The following SDK1 variants were observed in gnomAD, a reference collection of about 807,000 sequenced individuals.
The protein encoded by SDK1 is sidekick cell adhesion molecule 1.
In SDK1, 157 loss-of-function variants were observed where a neutral mutation model predicts 245.5. That is an observed-to-expected ratio of 0.64 (90% CI 0.56 to 0.73). The LOEUF (loss-of-function observed/expected upper bound fraction) is 0.73, where lower values mean the gene tolerates loss of function less well. Among genes scored for constraint, SDK1 ranks in the 30% least tolerant of loss-of-function variants. The pLI, the probability that SDK1 is intolerant of heterozygous loss-of-function variation, is 0.00. For synonymous variants in SDK1, 1,647 were observed against 1,278.5 expected (o/e 1.29, Z -6.15); for missense variants, 3,583 against 3,002.3 (o/e 1.19, Z -4.52).
Position 3,907,402 on chromosome 7 carries a change from G to T in SDK1, c.848-43521G>T, listed in dbSNP as rs182830299. Among the ~76,000 whole-genome samples the T allele has an allele frequency of 7.2e-5, 11 of 152,114 alleles. No individual in the cohort carries two copies. In the South Asian group the frequency reaches 2.1e-3, roughly 29 times the overall value. ...TTGTGTCTGGCTTATTTTACTTACC[G>T]TAATGTTTGTAAGGATTGTCTACAT... On this transcript the variant is annotated intron_variant, in intron 5 of 44. Transcript: ENST00000404826.
chr7:3,475,856 T>C lies in SDK1; in HGVS notation c.299-143224T>C, dbSNP rs570512819. 1.2e-3 allele frequency among the ~76,000 whole-genome samples: 178 copies of C among 152,336 alleles called. 2 individuals are homozygous for C. Among genetic ancestry groups the C allele is most frequent in the African/African-American group, 4.1e-3 (170 of 41,576 alleles). On this transcript the variant is annotated intron_variant, in intron 1 of 44. Transcript: ENST00000404826. Reference sequence around the variant, plus strand: ...GCCTCTCTGGCTCTCTGTGGCATCATGTGGTACTTCTTATTCATTGCGACA... The same window carrying C: ...GCCTCTCTGGCTCTCTGTGGCATCACGTGGTACTTCTTATTCATTGCGACA...
intron 2 of SDK1, among the ~76,000 whole-genome samples, chr7:3,633,729 G>A (rs1481466388): frequency 6.6e-6 from 1 of 152,212 alleles, no homozygotes; most frequent in Non-Finnish European, 1.5e-5. Context: ...GTTCTAGGGT[G>A]TGGAATTTTG....
chr7:3,427,490 G>C (rs1358859574), intron 1 of SDK1, among the ~76,000 whole-genome samples: 4 of 146,760 alleles, frequency 2.7e-5, no homozygotes, highest in Non-Finnish European at 5.9e-5. Flanking sequence ...TTGGACTGCA[G>C]CCTGGGTGAG....
intron 1 of SDK1, among the ~76,000 whole-genome samples, chr7:3,396,591 C>G (rs187006771): frequency 6.6e-6 from 1 of 151,606 alleles, no homozygotes; most frequent in Non-Finnish European, 1.5e-5. Flanking sequence ...TGCTGAATTA[C>G]CCTCTTATTA....
chr7:3,393,407 G>A (rs767869593), intron 1 of SDK1, among the ~76,000 whole-genome samples: 12 of 152,166 alleles, frequency 7.9e-5, no homozygotes, highest in Non-Finnish European at 1.2e-4. Context: ...TAACAGAAAT[G>A]TTTGAGAGTT....
chr7:3,651,186 T>A (rs117875086), intron 4 of SDK1, among the ~76,000 whole-genome samples: 2,088 of 151,930 alleles, frequency 0.014, 24 homozygotes, highest in Non-Finnish European at 0.022. Flanking sequence ...TACCATTTTG[T>A]AATCCCACCA....
intron 35 of SDK1, among the ~76,000 whole-genome samples, chr7:4,188,661 T>A (rs920991433): frequency 2.6e-5 from 4 of 151,614 alleles, no homozygotes; most frequent in Admixed American, 2.6e-4. Context: ...TTTTATGTTT[T>A]CCATTAAACT....
intron 4 of SDK1, among the ~76,000 whole-genome samples, chr7:3,758,423 T>C (rs554797112): frequency 1.3e-5 from 2 of 152,334 alleles, no homozygotes; most frequent in East Asian, 1.9e-4. Flanking sequence ...TATGAATATT[T>C]ATGTTATTCT....
chr7:4,060,319 C>G (rs1348486364), intron 19 of SDK1, among the ~76,000 whole-genome samples: 3 of 152,074 alleles, frequency 2.0e-5, no homozygotes, highest in African/African-American at 7.2e-5. Context: ...TAGTGATACA[C>G]CTCAAGGACA....
At chr7:3,966,825 A>G (rs1425302611) in intron 9 of SDK1, among the ~76,000 whole-genome samples, 1 of 152,070 alleles carries the variant, frequency 6.6e-6, no homozygotes, top group African/African-American at 2.4e-5. Flanking sequence ...ACGTGGGACT[A>G]TAGGCCTGCA....
At chr7:3,959,080 T>C in intron 8 of SDK1, 66 bp downstream of exon 8, 1 of 1,198,626 alleles carries the variant, frequency 8.3e-7, no homozygotes, top group South Asian at 1.2e-5. Flanking sequence ...CCTTTTTCCA[T>C]AGCAGAATTG....
In SDK1 at chr7:4,158,571, G is replaced by T; in HGVS notation, c.4729+20G>T. 6.3e-7 allele frequency: 1 copy of T among 1,585,568 alleles called. No individual in the cohort carries two copies. Among genetic ancestry groups the T allele is most frequent in the South Asian group, 1.1e-5 (1 of 90,520 alleles). ...AGGATGGTGAGCAACCCGGGGCCCAGACCGCGTTCCTGGCCGCTGCCCCTG... is the reference window on the plus strand; with the variant it reads ...AGGATGGTGAGCAACCCGGGGCCCATACCGCGTTCCTGGCCGCTGCCCCTG... On this transcript the variant is annotated intron_variant, in intron 31 of 44. Transcript: ENST00000404826.
intron 1 of SDK1, among the ~76,000 whole-genome samples, chr7:3,404,687 A>G (rs935644786): frequency 6.6e-6 from 1 of 152,222 alleles, no homozygotes; most frequent in African/African-American, 2.4e-5. Flanking sequence ...CAATTACTTC[A>G]GAGCTTGAAC....
intron 14 of SDK1, among the ~76,000 whole-genome samples, chr7:3,994,855 C>G (rs1469813729): frequency 2.6e-5 from 4 of 152,124 alleles, no homozygotes; most frequent in Non-Finnish European, 5.9e-5. Flanking sequence ...CAAATCCATC[C>G]TCCCTTGAGC....
At chr7:3,394,629 A>C (rs557756739) in intron 1 of SDK1, among the ~76,000 whole-genome samples, 1 of 152,206 alleles carries the variant, frequency 6.6e-6, no homozygotes, top group East Asian at 1.9e-4. Flanking sequence ...CATTTTAACA[A>C]TATTGAGTCT....
At chr7:4,245,925 C>T in intron 44 of SDK1, 120 bp downstream of exon 44, 1 of 1,244,804 alleles carries the variant, frequency 8.0e-7, no homozygotes, top group Non-Finnish European at 1.1e-6. Context: ...CAGGCAGAGC[C>T]AAGGACAAAG....
intron 1 of SDK1, among the ~76,000 whole-genome samples, chr7:3,577,401 A>G (rs1447323478): frequency 2.0e-5 from 3 of 151,984 alleles, no homozygotes; most frequent in Non-Finnish European, 4.4e-5. Flanking sequence ...GTGGCCCATG[A>G]TGTCTGACCA....
chr7:3,561,413 TG>T (rs1178948468), intron 1 of SDK1, among the ~76,000 whole-genome samples: 1 of 152,210 alleles, frequency 6.6e-6, no homozygotes, highest in East Asian at 1.9e-4. Context: ...TGTTTGTTCC[TG>T]GGTTTCATAG....
intron 31 of SDK1, among the ~76,000 whole-genome samples, chr7:4,159,877 A>G (rs1395853637): frequency 6.6e-6 from 1 of 152,246 alleles, no homozygotes; most frequent in Non-Finnish European, 1.5e-5. Context: ...ACATTGTAAC[A>G]TTGTTATGTA....
Sources: allele counts gnomAD v4.1 joint callset (sites outside exome capture counted in the v4.1 genomes callset), GRCh38; gene constraint gnomAD v4.1.1; transcripts MANE v1.5; gene names NCBI Gene and HGNC (gene_info 2026-07-23, HGNC 2026-07-21).